AGPAT4: variants seen among roughly 807,000 people sequenced by gnomAD.
AGPAT4 encodes 1-acyl-sn-glycerol-3-phosphate acyltransferase delta.
In AGPAT4, 15 loss-of-function variants were observed where a neutral mutation model predicts 48.0. That is an observed-to-expected ratio of 0.31 (90% CI 0.21 to 0.48). The LOEUF is 0.48. AGPAT4 is among the 20% of genes least tolerant of loss of function. AGPAT4 has a pLI of 0.99. For synonymous variants in AGPAT4, 178 were observed against 198.7 expected (o/e 0.90, Z 0.88); for missense variants, 314 against 482.5 (o/e 0.65, Z 3.27).
At chr6:161,210,291 C>A (rs1189161369) in intron 2 of AGPAT4, among the ~76,000 whole-genome samples, 1 of 152,138 alleles carries the variant, frequency 6.6e-6, no homozygotes, top group African/African-American at 2.4e-5. Context: ...GTAAATTTTG[C>A]TATTTGATTT....
intron 2 of AGPAT4, among the ~76,000 whole-genome samples, chr6:161,179,824 G>C (rs1257465166): frequency 6.6e-6 from 1 of 152,150 alleles, no homozygotes; most frequent in Non-Finnish European, 1.5e-5. Flanking sequence ...AAGAATACCA[G>C]ATATAACACA....
Position 161,142,817 on chromosome 6 carries a change from A to G in AGPAT4, c.844-3197T>C, listed in dbSNP as rs1411810578. Among the ~76,000 whole-genome samples, 1 of 152,214 alleles carries G rather than the reference A, an allele frequency of 6.6e-6. No individual in the cohort carries two copies. Among genetic ancestry groups the G allele is most frequent in the African/African-American group, 2.4e-5 (1 of 41,456 alleles). On this transcript the variant is annotated intron_variant, in intron 7 of 8. Transcript: ENST00000320285. This position sits in a 1 kb window ranked among gnomAD's most constrained non-coding sequence, Gnocchi z 6.4. Reference sequence around the variant, plus strand: ...CAGCCCGCAGACACCACCCGAGTGCACGGCCAGGACTTGCAAAGGACTTAC... The same window carrying G: ...CAGCCCGCAGACACCACCCGAGTGCGCGGCCAGGACTTGCAAAGGACTTAC...
At chr6:161,170,102 T>C (rs541222369) in intron 2 of AGPAT4, among the ~76,000 whole-genome samples, 12 of 152,294 alleles carry the variant, frequency 7.9e-5, no homozygotes, top group African/African-American at 2.9e-4. Context: ...GATGCAAGTT[T>C]TAGCCCATTC....
intron 2 of AGPAT4, among the ~76,000 whole-genome samples, chr6:161,175,416 A>G (rs1190491602): frequency 2.6e-5 from 4 of 152,134 alleles, no homozygotes; most frequent in Non-Finnish European, 4.4e-5. Flanking sequence ...TTTCTTCTAG[A>G]TTTTCTAGTT....
rs1252499883 is a variant in AGPAT4 at position 161,266,045 on chromosome 6, C to T, written c.-90+7893G>A. Among the ~76,000 whole-genome samples, 4 of 152,114 alleles carry T rather than the reference C, an allele frequency of 2.6e-5. No homozygotes were observed. Among genetic ancestry groups the T allele is most frequent in the Non-Finnish European group, 1.5e-5 (1 of 68,024 alleles). On this transcript the variant is annotated intron_variant, in intron 1 of 8. Coordinates refer to ENST00000320285, the MANE Select transcript of AGPAT4 (RefSeq NM_020133.3). This position sits in a 1 kb window ranked among gnomAD's most constrained non-coding sequence, Gnocchi z 6.2. The stretch of plus-strand genomic sequence containing the variant: ...GTGTACCTGACAGAGCCGGGAATTC[C>T]CCCTCAAGCAGTGGTTCTCAGCTGT...
chr6:161,257,885 C>T (rs750404453), intron 1 of AGPAT4, among the ~76,000 whole-genome samples: 4 of 152,284 alleles, frequency 2.6e-5, no homozygotes, highest in Admixed American at 6.5e-5. Flanking sequence ...GATGTGGTGA[C>T]GCAGTCTGTC....
At chr6:161,271,662 A>T (rs1024605327) in intron 1 of AGPAT4, among the ~76,000 whole-genome samples, 2 of 152,166 alleles carry the variant, frequency 1.3e-5, no homozygotes, top group African/African-American at 4.8e-5. Context: ...TGAATATCAG[A>T]CAGTGTTTTG....
In AGPAT4 at chr6:161,146,209, C is replaced by G. The variant is rs896761640; in HGVS notation, c.843+315G>C. ...GCAATCAAGACCATGTCCATTGCTG[C>G]GGAGAACATCCACCCCACAAGCACA... On this transcript the variant is annotated intron_variant, in intron 7 of 8. Transcript: ENST00000320285. This position sits in a 1 kb window ranked among gnomAD's most constrained non-coding sequence, Gnocchi z 7.1. Among the ~76,000 whole-genome samples, 3 of 151,528 alleles carry G rather than the reference C, an allele frequency of 2.0e-5. No homozygotes were observed. The highest frequency in any genetic ancestry group is 4.9e-5 in the African/African-American group (2 of 40,832).
Position 161,195,203 on chromosome 6 carries a change from A to G in AGPAT4, c.179-28786T>C, listed in dbSNP as rs909892591. Reference sequence around the variant, plus strand: ...AGAAACATAATTCAGAATTTGAAGCAAATTTCTCATTTAACCGAAAACCAA... The same window carrying G: ...AGAAACATAATTCAGAATTTGAAGCGAATTTCTCATTTAACCGAAAACCAA... On this transcript the variant is annotated intron_variant, in intron 2 of 8. Transcript: ENST00000320285. This position sits in a 1 kb window ranked among gnomAD's most constrained non-coding sequence, Gnocchi z 5.0. Among the ~76,000 whole-genome samples, 1 of 152,256 alleles carries G rather than the reference A, an allele frequency of 6.6e-6. No individual in the cohort carries two copies. The highest frequency in any genetic ancestry group is 1.5e-5 in the Non-Finnish European group (1 of 68,042).
chr6:161,194,898 G>T (rs902714947), intron 2 of AGPAT4, among the ~76,000 whole-genome samples: 1 of 152,106 alleles, frequency 6.6e-6, no homozygotes, highest in Non-Finnish European at 1.5e-5. Context: ...TGGATGATCT[G>T]ATACACTTAG....
In AGPAT4 at chr6:161,238,787, G is replaced by A. The variant is rs529810696; in HGVS notation, c.-89-6485C>T. Among the ~76,000 whole-genome samples, 2 of 152,226 alleles carry A rather than the reference G, an allele frequency of 1.3e-5. No individual in the cohort carries two copies. Among genetic ancestry groups the A allele is most frequent in the Non-Finnish European group, 2.9e-5 (2 of 68,012 alleles). On this transcript the variant is annotated intron_variant, in intron 1 of 8. Transcript: ENST00000320285. This position sits in a 1 kb window ranked among gnomAD's most constrained non-coding sequence, Gnocchi z 5.2. ...TTACCCTGATGCTGTTCTTGTGATC[G>A]TGAGTTCTCATAAGATCTGATGGTT...
rs566080771 is a variant in AGPAT4, at chr6:161,150,608, G to T, written c.665-1319C>A. Among the ~76,000 whole-genome samples, 363 of 152,282 alleles carry T rather than the reference G, an allele frequency of 2.4e-3. 1 individual carries two copies. The highest frequency in any genetic ancestry group is 8.3e-3 in the African/African-American group (346 of 41,572). On this transcript the variant is annotated intron_variant, in intron 5 of 8. Coordinates refer to ENST00000320285, the MANE Select transcript of AGPAT4 (RefSeq NM_020133.3). ...CCTGACCACCATGCGGGGTCTGCAG[G>T]TCCACTATCTGCTGCCCTGCAGGAG...
chr6:161,243,069 A>T lies in AGPAT4; in HGVS notation c.-89-10767T>A, dbSNP rs907031419. 6.6e-5 allele frequency among the ~76,000 whole-genome samples: 10 copies of T among 151,936 alleles called. No homozygotes were observed. The highest frequency in any genetic ancestry group is 4.2e-4 in the South Asian group (2 of 4,792). On this transcript the variant is annotated intron_variant, in intron 1 of 8. Transcript: ENST00000320285. This position sits in a 1 kb window ranked among gnomAD's most constrained non-coding sequence, Gnocchi z 4.8. ...CAGAGCCAGACTCTGTCTCAAAAAA[A>T]TTTTTTTTTAATTTAAAAAAAAATG... is the stretch of plus-strand genomic sequence containing the variant.
intron 2 of AGPAT4, among the ~76,000 whole-genome samples, chr6:161,228,808 T>A (rs1276245104): frequency 6.6e-6 from 1 of 151,958 alleles, no homozygotes; most frequent in East Asian, 1.9e-4. Flanking sequence ...GCCGGCTCCA[T>A]CCTCCCTTCC....
intron 2 of AGPAT4, among the ~76,000 whole-genome samples, chr6:161,185,378 C>T (rs6455708): frequency 0.25 from 37,953 of 149,978 alleles, 5,129 homozygotes; most frequent in South Asian, 0.36. Context: ...GCAGCCTTGA[C>T]CCCCTGCGTT....
chr6:161,213,679 T>C (rs1024095231), intron 2 of AGPAT4, among the ~76,000 whole-genome samples: 1 of 152,232 alleles, frequency 6.6e-6, no homozygotes, highest in Non-Finnish European at 1.5e-5. Context: ...TACTGATGTA[T>C]GGGCTTCAGA....
chr6:161,242,866 G>A lies in AGPAT4; in HGVS notation c.-89-10564C>T, dbSNP rs1431358069. ...GTGGCTCACCTGAGGTCAGGAGATC[G>A]AGGCCAGCCTGGCCAACATAGTGAA... On this transcript the variant is annotated intron_variant, in intron 1 of 8. Transcript: ENST00000320285. This position sits in a 1 kb window ranked among gnomAD's most constrained non-coding sequence, Gnocchi z 5.0. Among the ~76,000 whole-genome samples, 29 of 152,176 alleles carry A rather than the reference G, an allele frequency of 1.9e-4. 1 individual carries two copies. The highest frequency in any genetic ancestry group is 6.8e-3 in the Middle Eastern group (2 of 294).
At chr6:161,209,400 A>G (rs1781465877) in intron 2 of AGPAT4, among the ~76,000 whole-genome samples, 1 of 152,114 alleles carries the variant, frequency 6.6e-6, no homozygotes, top group African/African-American at 2.4e-5. Flanking sequence ...CTGCTAGAAA[A>G]TTTTTTGCAA....
At chr6:161,186,922 T>C (rs1780785411) in intron 2 of AGPAT4, among the ~76,000 whole-genome samples, 1 of 152,140 alleles carries the variant, frequency 6.6e-6, no homozygotes, top group Non-Finnish European at 1.5e-5. Flanking sequence ...GACCACCCAC[T>C]TGCCCCTCAC....
Sources: gnomAD v4.1 joint callset for allele counts (sites outside exome capture counted in the v4.1 genomes callset) on GRCh38, gnomAD v4.1.1 for gene constraint, Gnocchi (gnomAD v3.1) non-coding constraint, MANE v1.5 for transcripts, NCBI Gene and HGNC (gene_info 2026-07-23, HGNC 2026-07-21) for gene names.